The following NDST4 variants were observed in gnomAD, a reference collection of about 807,000 sequenced individuals.
The protein encoded by NDST4 is N-heparan sulfate sulfotransferase 4.
In NDST4, 63 loss-of-function variants were observed where a neutral mutation model predicts 100.8. That is an observed-to-expected ratio of 0.62 (90% CI 0.51 to 0.77). NDST4 has a LOEUF of 0.77. Ranked by LOEUF, NDST4 falls within the 30% of genes least tolerant of loss-of-function variation. NDST4 has a pLI of 0.00. For synonymous variants in NDST4, 377 were observed against 361.8 expected (o/e 1.04, Z -0.48); for missense variants, 943 against 1,018.4 (o/e 0.93, Z 1.01).
intron 10 of NDST4, among the ~76,000 whole-genome samples, chr4:114,844,755 G>A (rs140928607): frequency 6.6e-6 from 1 of 152,234 alleles, no homozygotes; most frequent in East Asian, 1.9e-4. Flanking sequence ...ATTTTAGTAT[G>A]ACACAAATCT....
intron 3 of NDST4, among the ~76,000 whole-genome samples, chr4:114,975,812 C>T (rs279519): frequency 0.32 from 48,175 of 151,874 alleles, 7,699 homozygotes; most frequent in South Asian, 0.47. Context: ...TTAAAGCTAT[C>T]TGCTTTATAA....
At chr4:115,053,285 A>G (rs1218731492) in intron 2 of NDST4, among the ~76,000 whole-genome samples, 1 of 152,178 alleles carries the variant, frequency 6.6e-6, no homozygotes, top group Non-Finnish European at 1.5e-5. Flanking sequence ...GTAAAGAATT[A>G]GTAATGGAAT....
At chr4:114,887,685 A>G (rs1284229467) in intron 6 of NDST4, among the ~76,000 whole-genome samples, 1 of 152,196 alleles carries the variant, frequency 6.6e-6, no homozygotes, top group African/African-American at 2.4e-5. Context: ...AATCCTTTAA[A>G]TGTTAGTTAA....
Position 115,076,096 on chromosome 4 carries a change from C to G in NDST4, c.941G>C (p.Gly314Ala). 3.7e-6 allele frequency: 6 copies of G among 1,612,814 alleles called. No homozygotes were observed. Among genetic ancestry groups the G allele is most frequent in the Non-Finnish European group, 5.1e-6 (6 of 1,179,482 alleles). ...ILVDIDDIFV[G>A]KEGTRMNVKD... Reference sequence around the variant, plus strand: ...GACATTCATCCTTGTTCCCTCTTTCCCAACAAATATATCATCAATGTCCAC... The same window carrying G: ...GACATTCATCCTTGTTCCCTCTTTCGCAACAAATATATCATCAATGTCCAC... Residue 314 changes from glycine (G) to alanine (A), a missense_variant, in exon 2 of 14, where the codon GGG (glycine) becomes GCG (alanine). Coordinates refer to ENST00000264363, the MANE Select transcript of NDST4 (RefSeq NM_022569.3).
chr4:114,961,088 T>A (rs1229395770), intron 4 of NDST4, among the ~76,000 whole-genome samples: 1 of 151,946 alleles, frequency 6.6e-6, no homozygotes, highest in African/African-American at 2.4e-5. Flanking sequence ...TTAAAATGTA[T>A]ATTGAAACTC....
At chr4:114,899,915 A>AT (rs1474866370) in intron 6 of NDST4, among the ~76,000 whole-genome samples, 3 of 151,992 alleles carry the variant, frequency 2.0e-5, no homozygotes, top group Non-Finnish European at 4.4e-5. Flanking sequence ...AATTGCTGTG[A>AT]TTTTTTTCCT....
At chr4:114,960,960 A>C (rs1726249504) in intron 4 of NDST4, among the ~76,000 whole-genome samples, 1 of 152,170 alleles carries the variant, frequency 6.6e-6, no homozygotes. Context: ...TTTGTCACAT[A>C]TATGGATGTA....
intron 13 of NDST4, among the ~76,000 whole-genome samples, chr4:114,829,105 A>G (rs572520208): frequency 7.2e-5 from 11 of 152,296 alleles, no homozygotes; most frequent in Middle Eastern, 3.4e-3. Context: ...ATCTATTTCC[A>G]TAGTAACCCA....
At chr4:114,904,988 T>C (rs1393104092) in intron 6 of NDST4, among the ~76,000 whole-genome samples, 1 of 151,924 alleles carries the variant, frequency 6.6e-6, no homozygotes, top group Non-Finnish European at 1.5e-5. Context: ...AGTATTGAAG[T>C]TATTTTGCCT....
At chr4:115,107,468 A>C (rs985250646) in intron 1 of NDST4, among the ~76,000 whole-genome samples, 3 of 150,600 alleles carry the variant, frequency 2.0e-5, no homozygotes, top group Non-Finnish European at 4.5e-5. Flanking sequence ...AGAAATTGCT[A>C]CTCCTCATCA....
At chr4:114,946,448 T>C (rs1352036122) in intron 4 of NDST4, among the ~76,000 whole-genome samples, 1 of 151,964 alleles carries the variant, frequency 6.6e-6, no homozygotes, top group Non-Finnish European at 1.5e-5. Flanking sequence ...GGGGTACGGG[T>C]TGCAAAATTA....
At chr4:114,952,052 G>C (rs1203397822) in intron 4 of NDST4, among the ~76,000 whole-genome samples, 1 of 152,084 alleles carries the variant, frequency 6.6e-6, no homozygotes, top group Non-Finnish European at 1.5e-5. Flanking sequence ...ATAGGTATTT[G>C]AAAAGAATTG....
chr4:115,111,879 G>T (rs1729959813), intron 1 of NDST4, among the ~76,000 whole-genome samples: 1 of 151,696 alleles, frequency 6.6e-6, no homozygotes, highest in South Asian at 2.1e-4. Context: ...GTTTAATATT[G>T]ATCATCATAA....
intron 2 of NDST4, among the ~76,000 whole-genome samples, chr4:115,061,663 C>T (rs1407684076): frequency 3.9e-5 from 6 of 151,922 alleles, no homozygotes; most frequent in Admixed American, 6.6e-5. Flanking sequence ...AGGACAAATA[C>T]CTAACGCATG....
intron 6 of NDST4, among the ~76,000 whole-genome samples, chr4:114,925,048 GT>G (rs1725361660): frequency 6.6e-6 from 1 of 152,154 alleles, no homozygotes; most frequent in South Asian, 2.1e-4. Flanking sequence ...AGGTCTCCAA[GT>G]TAGAAATATT....
chr4:115,019,553 G>A (rs903329813), intron 2 of NDST4, among the ~76,000 whole-genome samples: 10 of 152,092 alleles, frequency 6.6e-5, no homozygotes, highest in African/African-American at 2.2e-4. Context: ...CAGTATGTAC[G>A]AGGCCTAGCC....
chr4:115,016,871 T>A (rs11727410), intron 2 of NDST4, among the ~76,000 whole-genome samples: 65,991 of 151,752 alleles, frequency 0.43, 16,368 homozygotes, highest in Non-Finnish European at 0.58. Flanking sequence ...AGGCAAAAAG[T>A]ATATAGAATG....
chr4:114,843,417 A>T (rs1723474037), intron 10 of NDST4, among the ~76,000 whole-genome samples: 1 of 152,142 alleles, frequency 6.6e-6, no homozygotes, highest in South Asian at 2.1e-4. Context: ...TCAAATCAAC[A>T]CTACTACAGA....
At chr4:114,919,698 T>G (rs1158234171) in intron 6 of NDST4, among the ~76,000 whole-genome samples, 1 of 152,170 alleles carries the variant, frequency 6.6e-6, no homozygotes, top group Admixed American at 6.5e-5. Flanking sequence ...TGGAGGACAT[T>G]AAGAATGGCT....
Sources: allele counts gnomAD v4.1 joint callset (sites outside exome capture counted in the v4.1 genomes callset), GRCh38; gene constraint gnomAD v4.1.1; transcripts MANE v1.5; gene names NCBI Gene and HGNC (gene_info 2026-07-23, HGNC 2026-07-21).